SH2D4B: variants seen among roughly 807,000 people sequenced by gnomAD.
The protein encoded by SH2D4B is SH2 domain-containing protein 4B.
In SH2D4B, 45 loss-of-function variants were observed where a neutral mutation model predicts 61.5. That is an observed-to-expected ratio of 0.73 (90% confidence interval 0.58 to 0.94). The LOEUF (loss-of-function observed/expected upper bound fraction) is 0.94, where lower values mean the gene tolerates loss of function less well. Among genes scored for constraint, SH2D4B ranks in the 40% least tolerant of loss-of-function variants. The pLI is 0.00. For missense variants in SH2D4B, 572 were observed against 574.2 expected (o/e 1.00, Z 0.04); for synonymous variants, 224 against 220.4 (o/e 1.02, Z -0.14).
intron 6 of SH2D4B, among the ~76,000 whole-genome samples, chr10:80,617,187 G>T (rs886185017): frequency 6.6e-6 from 1 of 152,196 alleles, no homozygotes. Flanking sequence ...CGGTGCTCTG[G>T]GGAATCAGTT....
At position 80,618,239 on chromosome 10, in the gene SH2D4B, A is replaced by T. The variant is rs78489803; in HGVS notation, c.988+8688A>T. ...TATTAAACAATCATGCCATAAATGTATACATCCAATGGAGGTCAGTATTAT... is the reference window on the plus strand; with the variant it reads ...TATTAAACAATCATGCCATAAATGTTTACATCCAATGGAGGTCAGTATTAT... On this transcript the variant is annotated intron_variant, in intron 6 of 7. Coordinates refer to ENST00000646907, the MANE Select transcript of SH2D4B (RefSeq NM_001388272.1). Among the ~76,000 whole-genome samples the T allele has an allele frequency of 5.5e-3, 844 of 152,314 alleles. 7 individuals are homozygous for T. Among genetic ancestry groups the T allele is most frequent in the Non-Finnish European group, 8.4e-3 (574 of 68,028 alleles).
Position 80,570,256 on chromosome 10 carries a change from C to T in SH2D4B, c.287C>T (p.Ser96Phe). 1.2e-6 allele frequency: 2 copies of T among 1,614,046 alleles called. No individual in the cohort carries two copies. The highest frequency in any genetic ancestry group is 1.7e-6 in the Non-Finnish European group (2 of 1,180,006). Reference protein sequence around the residue: ...GPGDKPYEEISEELIAERARL... With the variant: ...GPGDKPYEEIFEELIAERARL... ...GGTGACAAGCCCTACGAAGAGATCT[C>T]TGAGGAGCTGATTGCAGAGAGGGCG... Residue 96 changes from serine (S) to phenylalanine (F), a missense_variant, in exon 2 of 8, where the codon TCT (serine) becomes TTT (phenylalanine). Ser to Phe is a radical substitution (Grantham distance 155). Coordinates refer to ENST00000646907, the MANE Select transcript of SH2D4B (RefSeq NM_001388272.1).
chr10:80,573,683 A>T (rs1842090576), intron 3 of SH2D4B, among the ~76,000 whole-genome samples: 1 of 152,082 alleles, frequency 6.6e-6, no homozygotes, highest in Non-Finnish European at 1.5e-5. Flanking sequence ...TTGATTTATT[A>T]TTCCTGAGCC....
At chr10:80,606,591 G>T (rs1470176286) in intron 5 of SH2D4B, among the ~76,000 whole-genome samples, 1 of 152,050 alleles carries the variant, frequency 6.6e-6, no homozygotes, top group Non-Finnish European at 1.5e-5. Context: ...CAGGTGATCC[G>T]CCCACCTCGG....
chr10:80,644,051 A>T lies in SH2D4B; in HGVS notation c.1268A>T (p.Asp423Val), dbSNP rs758454874. The T allele has an allele frequency of 6.2e-7, 1 of 1,613,956 alleles. No individual in the cohort carries two copies. The highest frequency in any genetic ancestry group is 8.5e-7 in the Non-Finnish European group (1 of 1,179,904). ...ELLQEPCGQR[D>V]SPPDYHLLFE is the part of the protein sequence containing the mutation. ...CTTCAGGAACCCTGCGGACAGAGGGACAGCCCACCAGACTACCATCTGTTG... is the reference window on the plus strand; with the variant it reads ...CTTCAGGAACCCTGCGGACAGAGGGTCAGCCCACCAGACTACCATCTGTTG... The change falls in exon 8 of 8, where the codon GAC becomes GTC. Residue 423 changes from aspartate (D) to valine (V), a missense_variant. Asp to Val is a radical substitution (Grantham distance 152). Transcript: ENST00000646907.
chr10:80,552,949 C>T (rs981887853), intron 1 of SH2D4B, among the ~76,000 whole-genome samples: 26 of 151,912 alleles, frequency 1.7e-4, no homozygotes, highest in African/African-American at 6.0e-4. Context: ...GAGTTTTGCT[C>T]TTGCTGCCCA....
chr10:80,540,870 C>T lies in SH2D4B; in HGVS notation c.184+2355C>T, dbSNP rs201834755. 9.5e-5 allele frequency: 148 copies of T among 1,551,560 alleles called. No homozygotes were observed. In the East Asian group the frequency reaches 1.2e-3, roughly 12 times the overall value. ...GGGAATTGTGCGGGGACGGGCTCCACGGAGGAATCTTCTCTTCCTTCCCTT... is the reference window on the plus strand; with the variant it reads ...GGGAATTGTGCGGGGACGGGCTCCATGGAGGAATCTTCTCTTCCTTCCCTT... On this transcript the variant is annotated intron_variant, in intron 1 of 7. Coordinates refer to ENST00000646907, the MANE Select transcript of SH2D4B (RefSeq NM_001388272.1).
intron 2 of SH2D4B, 141 bp downstream of exon 2, chr10:80,570,457 T>G: frequency 1.9e-6 from 2 of 1,042,180 alleles, no homozygotes; most frequent in Middle Eastern, 3.2e-4. Flanking sequence ...TGACCTCAGG[T>G]GAGCCACCCG....
chr10:80,578,774 A>G (rs11186141), intron 3 of SH2D4B, among the ~76,000 whole-genome samples: 16,074 of 152,262 alleles, frequency 0.11, 1,006 homozygotes, highest in Admixed American at 0.18. Flanking sequence ...ATGAGTTTTC[A>G]GGCAAGGAGA....
intron 4 of SH2D4B, among the ~76,000 whole-genome samples, chr10:80,597,081 G>C (rs756616374): frequency 4.6e-5 from 7 of 152,186 alleles, no homozygotes; most frequent in Non-Finnish European, 1.0e-4. Context: ...CTGATTTAAA[G>C]TATATGGGAG....
Position 80,609,193 on chromosome 10 carries a change from AT to A in SH2D4B, c.861-230del, listed in dbSNP as rs564335657. 2.4e-4 allele frequency among the ~76,000 whole-genome samples: 37 copies of A among 152,228 alleles called. 1 individual carries two copies. In the South Asian group the frequency reaches 7.5e-3, roughly 31 times the overall value. On this transcript the variant is annotated intron_variant, in intron 5 of 7. Transcript: ENST00000646907. ...CAGATGGTACATTATAATCTGCAAA[AT>A]GCCTTCGAGTACCTGGGCTGTTTTA...
intron 3 of SH2D4B, among the ~76,000 whole-genome samples, chr10:80,574,776 C>T (rs1842105194): frequency 6.6e-6 from 1 of 152,178 alleles, no homozygotes; most frequent in African/African-American, 2.4e-5. Flanking sequence ...TCTCGGCTCA[C>T]TGAAGCCTCC....
In SH2D4B at chr10:80,644,946, A is replaced by G. The variant is rs1430668364; in HGVS notation, c.*861A>G. ...TCCTTTTAATTCCCTTGTCAACTTA[A>G]TCTCAGTATGTTGCTTATATTAACA... is the stretch of plus-strand genomic sequence containing the variant. On this transcript the variant is annotated 3_prime_UTR_variant, in exon 8 of 8. Transcript: ENST00000646907. The G allele has an allele frequency of 6.6e-6, 1 of 152,124 alleles. No homozygotes were observed. The highest frequency in any genetic ancestry group is 1.5e-5 in the Non-Finnish European group (1 of 68,034). 9.4% of individuals were successfully genotyped at this position (152,124 alleles called of 1,614,324 possible).
rs150356380 is a variant in SH2D4B, at chr10:80,562,028, T to TACACACACACAC, written c.185-8102_185-8091dup. ...AAGCAAGGCCACTCACTCTTCCAATTACACACACACACACACACACACACA... is the reference window on the plus strand; with the variant it reads ...AAGCAAGGCCACTCACTCTTCCAATTACACACACACACACACACACACACACACACACACACA... On this transcript the variant is annotated intron_variant, in intron 1 of 7. Coordinates refer to ENST00000646907, the MANE Select transcript of SH2D4B (RefSeq NM_001388272.1). Among the ~76,000 whole-genome samples, 161 of 144,500 alleles carry TACACACACACAC rather than the reference T, an allele frequency of 1.1e-3. 1 individual carries two copies. Among genetic ancestry groups the TACACACACACAC allele is most frequent in the African/African-American group, 3.7e-3 (145 of 39,224 alleles). The allele number at this position is 144,500 out of a possible 152,430, so 94.8% of individuals were successfully genotyped here.
At chr10:80,550,974 T>C (rs1318552245) in intron 1 of SH2D4B, among the ~76,000 whole-genome samples, 1 of 152,190 alleles carries the variant, frequency 6.6e-6, no homozygotes, top group Non-Finnish European at 1.5e-5. Flanking sequence ...TGAGACTCTG[T>C]TGGGGGAGAG....
chr10:80,569,468 T>C (rs752263209), intron 1 of SH2D4B, among the ~76,000 whole-genome samples: 1 of 144,368 alleles, frequency 6.9e-6, no homozygotes, highest in Non-Finnish European at 1.5e-5. Flanking sequence ...ACCGAGAAGA[T>C]GGCAACTAGT....
intron 1 of SH2D4B, chr10:80,540,716 T>C: frequency 1.1e-6 from 1 of 947,076 alleles, no homozygotes; most frequent in East Asian, 2.6e-5. Context: ...AGCATTACTA[T>C]GTGCTGATTT....
chr10:80,563,279 A>G (rs1841929310), intron 1 of SH2D4B, among the ~76,000 whole-genome samples: 2 of 152,136 alleles, frequency 1.3e-5, no homozygotes, highest in African/African-American at 2.4e-5. Context: ...GTCTTTTGCC[A>G]ATTTTTTAAA....
At chr10:80,586,396 A>G (rs943968971) in intron 3 of SH2D4B, among the ~76,000 whole-genome samples, 2 of 140,602 alleles carry the variant, frequency 1.4e-5, no homozygotes, top group African/African-American at 5.8e-5. Flanking sequence ...AAATACACCA[A>G]TCGGCACTCT....
Sources: gnomAD v4.1 joint callset for allele counts (sites outside exome capture counted in the v4.1 genomes callset) on GRCh38, gnomAD v4.1.1 for gene constraint, MANE v1.5 for transcripts, NCBI Gene and HGNC (gene_info 2026-07-23, HGNC 2026-07-21) for gene names.